TBC1D22A: variants seen among roughly 807,000 people sequenced by gnomAD.
TBC1D22A encodes putative GTPase activator.
TBC1D22A carries 38 observed loss-of-function variants against 60.2 expected under a neutral mutation model. That is an observed-to-expected ratio of 0.63 (90% CI 0.49 to 0.83). The LOEUF is 0.83. TBC1D22A is among the 40% of genes least tolerant of loss of function. The pLI, the probability that TBC1D22A is intolerant of heterozygous loss-of-function variation, is 0.00. For synonymous variants in TBC1D22A, 302 were observed against 281.7 expected, an observed-to-expected ratio of 1.07 and a Z score of -0.72; for missense variants, 628 against 701.0, an observed-to-expected ratio of 0.90 and a Z score of 1.18.
chr22:46,927,576 CT>C (rs2071120440), intron 8 of TBC1D22A, among the ~76,000 whole-genome samples: 1 of 152,096 alleles, frequency 6.6e-6, no homozygotes, highest in African/African-American at 2.4e-5. Flanking sequence ...TATTTTAGTA[CT>C]GGTTCTAGCT....
At chr22:46,913,798 C>T (rs562401472) in intron 8 of TBC1D22A, 20 of 979,890 alleles carry the variant, frequency 2.0e-5, no homozygotes, top group East Asian at 2.3e-4. Flanking sequence ...ACTACTTTAC[C>T]GCCAACTTCT....
chr22:46,782,249 T>G lies in TBC1D22A; in HGVS notation c.63-10271T>G, dbSNP rs577452639. ...CTTGTATTTTTAGTAGAGACGAGGTTTCACCATGTTGGCCAGGATGGTCTC... is the reference window on the plus strand; with the variant it reads ...CTTGTATTTTTAGTAGAGACGAGGTGTCACCATGTTGGCCAGGATGGTCTC... On this transcript the variant is annotated intron_variant, in intron 1 of 12. Coordinates refer to ENST00000337137, the MANE Select transcript of TBC1D22A (RefSeq NM_014346.5). 5.3e-5 allele frequency among the ~76,000 whole-genome samples: 8 copies of G among 152,312 alleles called. No homozygotes were observed. In the East Asian group the frequency reaches 1.5e-3, roughly 29 times the overall value.
At chr22:46,985,019 G>T (rs887762945) in intron 9 of TBC1D22A, among the ~76,000 whole-genome samples, 10 of 152,208 alleles carry the variant, frequency 6.6e-5, no homozygotes, top group Admixed American at 1.3e-4. Context: ...GGCAGTTGAG[G>T]GGGGAGCCTC....
At chr22:46,844,216 C>T (rs1006603561) in intron 4 of TBC1D22A, among the ~76,000 whole-genome samples, 4 of 151,756 alleles carry the variant, frequency 2.6e-5, no homozygotes, top group Admixed American at 1.3e-4. Flanking sequence ...GAAGCATCCC[C>T]GTCTGTGGTC....
At chr22:46,839,770 T>C (rs1393569911) in intron 4 of TBC1D22A, among the ~76,000 whole-genome samples, 1 of 152,184 alleles carries the variant, frequency 6.6e-6, no homozygotes, top group African/African-American at 2.4e-5. Flanking sequence ...GAATGTAAAG[T>C]AGAGAGCTCA....
intron 9 of TBC1D22A, among the ~76,000 whole-genome samples, chr22:46,979,181 A>G (rs980043758): frequency 2.6e-5 from 4 of 152,170 alleles, no homozygotes; most frequent in African/African-American, 4.8e-5. Flanking sequence ...TTAAATGTTG[A>G]TAAGTTTCAT....
chr22:46,834,283 C>G (rs969049528), intron 4 of TBC1D22A, among the ~76,000 whole-genome samples: 31 of 152,234 alleles, frequency 2.0e-4, no homozygotes, highest in East Asian at 1.4e-3. Flanking sequence ...CTCATCCCCC[C>G]CAGCAGTAAT....
chr22:47,097,550 G>A (rs934303134), intron 11 of TBC1D22A, among the ~76,000 whole-genome samples: 3 of 152,084 alleles, frequency 2.0e-5, no homozygotes, highest in Non-Finnish European at 4.4e-5. Flanking sequence ...GGCGGAGCTT[G>A]CAGTGAGCTG....
At chr22:47,063,163 G>A (rs757286164) in intron 11 of TBC1D22A, among the ~76,000 whole-genome samples, 3 of 152,236 alleles carry the variant, frequency 2.0e-5, no homozygotes, top group Admixed American at 1.3e-4. Flanking sequence ...CTGAAGAATC[G>A]CTGGGGCTCA....
In TBC1D22A at chr22:47,009,508, C is replaced by T. The variant is rs372720365; in HGVS notation, c.1201+11799C>T. 1.3e-5 allele frequency among the ~76,000 whole-genome samples: 2 copies of T among 149,942 alleles called. No individual in the cohort carries two copies. The highest frequency in any genetic ancestry group is 4.9e-5 in the African/African-American group (2 of 40,588). On this transcript the variant is annotated intron_variant, in intron 10 of 12. Transcript: ENST00000337137. The surrounding 1 kb of genome is among the most constrained non-coding windows in gnomAD (Gnocchi z 5.8). ...CATCATTTCATCACCATCATCACCA[C>T]CATCATCTTCACCATCACCATCATC...
chr22:46,982,226 C>CTTT (rs750713030), intron 9 of TBC1D22A, among the ~76,000 whole-genome samples: 2 of 138,644 alleles, frequency 1.4e-5, no homozygotes, highest in African/African-American at 2.7e-5. Flanking sequence ...AAGAGACAGT[C>CTTT]TTTTTTTTTT....
chr22:46,965,527 C>T (rs1057123681), intron 8 of TBC1D22A, among the ~76,000 whole-genome samples: 18 of 152,254 alleles, frequency 1.2e-4, no homozygotes, highest in South Asian at 8.3e-4. Context: ...TCGTCATCTC[C>T]GGAGCAGCAA....
chr22:47,072,269 G>C (rs1359533231), intron 11 of TBC1D22A, among the ~76,000 whole-genome samples: 1 of 152,170 alleles, frequency 6.6e-6, no homozygotes, highest in Non-Finnish European at 1.5e-5. Context: ...GGCAGAATTG[G>C]GACTGAAGCT....
intron 11 of TBC1D22A, among the ~76,000 whole-genome samples, chr22:47,059,503 G>A (rs977602725): frequency 2.0e-5 from 3 of 152,242 alleles, no homozygotes; most frequent in Non-Finnish European, 4.4e-5. Context: ...TAAATTGGGA[G>A]CGTGTATGTG....
intron 11 of TBC1D22A, among the ~76,000 whole-genome samples, chr22:47,057,746 A>G (rs75321013): frequency 0.029 from 4,471 of 152,250 alleles, 229 homozygotes; most frequent in African/African-American, 0.096. Flanking sequence ...CAGGAAAACC[A>G]TTCCCGTGAT....
chr22:46,817,253 G>A (rs550506069), intron 4 of TBC1D22A, among the ~76,000 whole-genome samples: 1 of 137,674 alleles, frequency 7.3e-6, no homozygotes, highest in Non-Finnish European at 1.6e-5. Flanking sequence ...GAGGATACTA[G>A]GTTGTCCTTT....
intron 12 of TBC1D22A, among the ~76,000 whole-genome samples, chr22:47,171,451 C>G (rs760374183): frequency 7.2e-5 from 11 of 152,142 alleles, no homozygotes; most frequent in Non-Finnish European, 1.6e-4. Flanking sequence ...GGCAAATTCT[C>G]GAGGACCAGA....
chr22:47,170,149 A>T (rs1475982246), intron 12 of TBC1D22A, among the ~76,000 whole-genome samples: 2 of 152,224 alleles, frequency 1.3e-5, no homozygotes, highest in Admixed American at 1.3e-4. Context: ...CTCCTCCCGT[A>T]AAGGTCACCC....
At position 46,847,418 on chromosome 22, in the gene TBC1D22A, G is replaced by A. The variant is rs2087052608; in HGVS notation, c.638-31235G>A. On this transcript the variant is annotated intron_variant, in intron 4 of 12. Coordinates refer to ENST00000337137, the MANE Select transcript of TBC1D22A (RefSeq NM_014346.5). ...TACCCAGTAGGTCCTAAGGCATGAA[G>A]GTTGGCCTGGTTTATGTTATGTGTC... is the stretch of plus-strand genomic sequence containing the variant. 2.0e-5 allele frequency among the ~76,000 whole-genome samples: 3 copies of A among 152,196 alleles called. No homozygotes were observed. In the South Asian group the frequency reaches 6.2e-4, roughly 31 times the overall value.
Sources: gnomAD v4.1 joint callset for allele counts (sites outside exome capture counted in the v4.1 genomes callset) on GRCh38, gnomAD v4.1.1 for gene constraint, Gnocchi (gnomAD v3.1) non-coding constraint, MANE v1.5 for transcripts, NCBI Gene and HGNC (gene_info 2026-07-23, HGNC 2026-07-21) for gene names.